Variants in FAXC observed in about 807,000 individuals in gnomAD.
FAXC encodes failed axon connections homolog, metaxin like GST domain containing.
FAXC carries 10 observed loss-of-function variants against 41.9 expected under a neutral mutation model. The observed-to-expected ratio is 0.24, with a 90% CI of 0.15 to 0.41. The LOEUF (loss-of-function observed/expected upper bound fraction) is 0.41, where lower values mean the gene tolerates loss of function less well. FAXC is among the 10% of genes least tolerant of loss of function. FAXC has a pLI of 1.00. For synonymous variants in FAXC, 183 were observed against 183.8 expected (o/e 1.00, Z 0.03); for missense variants, 399 against 510.9 (o/e 0.78, Z 2.11).
intron 4 of FAXC, among the ~76,000 whole-genome samples, chr6:99,314,378 C>T (rs1019542894): frequency 6.6e-6 from 1 of 152,038 alleles, no homozygotes; most frequent in South Asian, 2.1e-4. Flanking sequence ...CCTGTCTCTA[C>T]AAAAAATACA....
chr6:99,333,543 T>C lies in FAXC; in HGVS notation c.407A>G (p.Tyr136Cys), dbSNP rs756644753. The stretch of plus-strand genomic sequence containing the variant: ...TTGAGCAGAGAGTTTTCCACCAAAA[T>C]AGTTCTAAGCAGAGTACATTTTTAA... ...LRMADLPYQNYFGGKLSAQGK... is the reference protein window; with the variant it reads ...LRMADLPYQNCFGGKLSAQGK... The change falls in exon 3 of 6, where the codon TAT (tyrosine) becomes TGT (cysteine). Residue 136 changes from tyrosine (Y) to cysteine (C), a missense_variant. By Grantham distance (194) the Tyr-to-Cys change is radical. Coordinates refer to ENST00000389677, the MANE Select transcript of FAXC (RefSeq NM_032511.4). 1.9e-6 allele frequency: 3 copies of C among 1,607,560 alleles called. No homozygotes were observed. Among genetic ancestry groups the C allele is most frequent in the Non-Finnish European group, 2.5e-6 (3 of 1,177,716 alleles).
At chr6:99,349,025 G>C in intron 1 of FAXC, 82 bp downstream of exon 1, 1 of 1,374,164 alleles carries the variant, frequency 7.3e-7, no homozygotes, top group Non-Finnish European at 1.0e-6. Context: ...CGAGGGGCTG[G>C]CACGGGCCCC....
chr6:99,293,100 C>T (rs1771308137), intron 4 of FAXC, among the ~76,000 whole-genome samples: 1 of 152,228 alleles, frequency 6.6e-6, no homozygotes, highest in Non-Finnish European at 1.5e-5. Flanking sequence ...AGCCACTGCG[C>T]CCGGCCCTAA....
chr6:99,313,949 C>T (rs1315358557), intron 4 of FAXC, among the ~76,000 whole-genome samples: 1 of 152,212 alleles, frequency 6.6e-6, no homozygotes, highest in Non-Finnish European at 1.5e-5. Context: ...TCCTCCAACT[C>T]TGTGAATGGC....
chr6:99,301,626 TC>T (rs1271973241), intron 4 of FAXC, among the ~76,000 whole-genome samples: 1 of 152,198 alleles, frequency 6.6e-6, no homozygotes, highest in African/African-American at 2.4e-5. Flanking sequence ...TTGGAATAGA[TC>T]CTGGTTTCTT....
At position 99,272,229 on chromosome 6, in the gene FAXC, T is replaced by C. The variant is rs1273674742; in HGVS notation, c.*8935A>G. The C allele has an allele frequency of 6.7e-6, 1 of 150,158 alleles. No homozygotes were observed. Among genetic ancestry groups the C allele is most frequent in the African/African-American group, 2.5e-5 (1 of 40,520 alleles). 9.3% of individuals were successfully genotyped at this position (150,158 alleles called of 1,614,324 possible). A position where few individuals can be genotyped will look rare whatever the true frequency, so the allele number is the denominator to read the frequency against. On this transcript the variant is annotated 3_prime_UTR_variant, in exon 6 of 6. Coordinates refer to ENST00000389677, the MANE Select transcript of FAXC (RefSeq NM_032511.4). ...TTTGCTCTTGTTGCCCAGGCTGGAG[T>C]CAATGGCACAAAGTCAGCTCACTGC... is the stretch of plus-strand genomic sequence containing the variant.
chr6:99,323,580 C>T lies in FAXC; in HGVS notation c.687G>A (p.Leu229=), dbSNP rs763107538. The T allele has an allele frequency of 2.5e-6, 4 of 1,614,236 alleles. No homozygotes were observed. The highest frequency in any genetic ancestry group is 2.2e-5 in the South Asian group (2 of 91,084). ...TTATGTGGCACACAACCCACCTCAG[C>T]AGGTTGCTGAAGGGACCACCACCAC... is the stretch of plus-strand genomic sequence containing the variant. The part of the protein sequence containing the change: ...SLSGGGPFSN[L]LRWVVCHITK... The change falls in exon 4 of 6, where the codon CTG becomes CTA. Residue 229 remains leucine, a synonymous_variant. Coordinates refer to ENST00000389677, the MANE Select transcript of FAXC (RefSeq NM_032511.4).
chr6:99,344,504 T>C (rs956038414), intron 1 of FAXC, among the ~76,000 whole-genome samples: 2 of 151,982 alleles, frequency 1.3e-5, no homozygotes, highest in Non-Finnish European at 2.9e-5. Flanking sequence ...CCCCATTTAG[T>C]AAAACAAACT....
At chr6:99,282,742 G>C (rs1770885208) in intron 5 of FAXC, among the ~76,000 whole-genome samples, 1 of 149,062 alleles carries the variant, frequency 6.7e-6, no homozygotes, top group Non-Finnish European at 1.5e-5. Context: ...CTTTGGATTT[G>C]AGTTATATAA....
At chr6:99,325,555 G>C (rs1311913274) in intron 3 of FAXC, among the ~76,000 whole-genome samples, 1 of 152,186 alleles carries the variant, frequency 6.6e-6, no homozygotes, top group Non-Finnish European at 1.5e-5. Context: ...GCATTCCATT[G>C]ATCTTCCAAT....
chr6:99,348,376 A>T (rs1773671178), intron 1 of FAXC, among the ~76,000 whole-genome samples: 1 of 152,214 alleles, frequency 6.6e-6, no homozygotes, highest in Non-Finnish European at 1.5e-5. Flanking sequence ...TACCAACAGC[A>T]GGGGCCTCCA....
Position 99,324,674 on chromosome 6 carries a change from T to C in FAXC, c.600-1007A>G, listed in dbSNP as rs1318270154. Among the ~76,000 whole-genome samples the C allele has an allele frequency of 2.6e-5, 4 of 152,330 alleles. 1 individual carries two copies. The highest frequency in any genetic ancestry group is 9.6e-5 in the African/African-American group (4 of 41,572). ...GCCACCGTACCCAGGTCTTTGCTGATTTTATTCCCCAAATGGCAAGAATTT... is the reference window on the plus strand; with the variant it reads ...GCCACCGTACCCAGGTCTTTGCTGACTTTATTCCCCAAATGGCAAGAATTT... On this transcript the variant is annotated intron_variant, in intron 3 of 5. Coordinates refer to ENST00000389677, the MANE Select transcript of FAXC (RefSeq NM_032511.4).
At chr6:99,310,453 G>A (rs1012456469) in intron 4 of FAXC, among the ~76,000 whole-genome samples, 3 of 152,200 alleles carry the variant, frequency 2.0e-5, no homozygotes, top group African/African-American at 7.2e-5. Flanking sequence ...CTGGTGTGGT[G>A]CCCGCATAGC....
chr6:99,294,133 T>A (rs1199136860), intron 4 of FAXC, among the ~76,000 whole-genome samples: 3 of 152,102 alleles, frequency 2.0e-5, no homozygotes, highest in African/African-American at 7.2e-5. Context: ...CACATTAGAG[T>A]TCTTAGCTAT....
chr6:99,292,310 C>T (rs1771278001), intron 4 of FAXC, among the ~76,000 whole-genome samples: 1 of 152,180 alleles, frequency 6.6e-6, no homozygotes, highest in South Asian at 2.1e-4. Context: ...TTTCCCATGA[C>T]GCTACATGGT....
intron 4 of FAXC, among the ~76,000 whole-genome samples, chr6:99,306,860 G>A (rs539287947): frequency 2.0e-5 from 3 of 152,288 alleles, no homozygotes; most frequent in East Asian, 1.9e-4. Context: ...GTGCTGGCAC[G>A]GAGTAAGTGC....
At chr6:99,341,066 G>C (rs958469698) in intron 2 of FAXC, among the ~76,000 whole-genome samples, 1 of 152,164 alleles carries the variant, frequency 6.6e-6, no homozygotes, top group Non-Finnish European at 1.5e-5. Flanking sequence ...AACTGCTAAT[G>C]TGTTTGTATT....
chr6:99,272,711 T>A lies in FAXC; in HGVS notation c.*8453A>T, dbSNP rs987342151. The A allele has an allele frequency of 3.9e-5, 6 of 152,198 alleles. No individual in the cohort carries two copies. Among genetic ancestry groups the A allele is most frequent in the African/African-American group, 1.4e-4 (6 of 41,452 alleles). 9.4% of individuals were successfully genotyped at this position (152,198 alleles called of 1,614,324 possible). The stretch of plus-strand genomic sequence containing the variant: ...TAAAAGCCACTCACTTGAAATTCTA[T>A]CAAAGTTATATGCCTAAAAAATTCA... On this transcript the variant is annotated 3_prime_UTR_variant, in exon 6 of 6. Coordinates refer to ENST00000389677, the MANE Select transcript of FAXC (RefSeq NM_032511.4).
intron 5 of FAXC, among the ~76,000 whole-genome samples, chr6:99,290,479 A>G (rs1771198068): frequency 6.6e-6 from 1 of 151,988 alleles, no homozygotes; most frequent in African/African-American, 2.4e-5. Context: ...AGGTGGGCAG[A>G]TCACTTGAGG....
Sources: allele counts gnomAD v4.1 joint callset (sites outside exome capture counted in the v4.1 genomes callset), GRCh38; gene constraint gnomAD v4.1.1; transcripts MANE v1.5; gene names NCBI Gene and HGNC (gene_info 2026-07-23, HGNC 2026-07-21).